WNK1: variants seen among roughly 807,000 people sequenced by gnomAD.
WNK1 encodes serine/threonine-protein kinase WNK1.
In WNK1, 38 loss-of-function variants were observed where a neutral mutation model predicts 222.8. The ratio of observed to expected loss-of-function variants is 0.17; its 90% confidence interval spans 0.13 to 0.22. The LOEUF is 0.22. WNK1 is among the 10% of genes least tolerant of loss of function. The pLI is 1.00. For missense variants in WNK1, 2,348 were observed against 2,918.4 expected, an observed-to-expected ratio of 0.80 and a Z score of 4.50; for synonymous variants, 1,090 against 1,092.9, an observed-to-expected ratio of 1.00 and a Z score of 0.05.
At chr12:894,838 C>T (rs556487828) in intron 23 of WNK1, among the ~76,000 whole-genome samples, 6 of 152,234 alleles carry the variant, frequency 3.9e-5, no homozygotes, top group South Asian at 4.1e-4. Flanking sequence ...AGTAGAGACA[C>T]GGTAGATAGT....
At chr12:866,261 T>C (rs1442969087) in intron 8 of WNK1, among the ~76,000 whole-genome samples, 19 of 152,214 alleles carry the variant, frequency 1.2e-4, no homozygotes, top group Admixed American at 1.2e-3. Context: ...GAACAGTTGA[T>C]CTACTTTGCC....
At chr12:808,054 CA>C (rs1190663861) in intron 1 of WNK1, among the ~76,000 whole-genome samples, 3 of 152,120 alleles carry the variant, frequency 2.0e-5, no homozygotes, top group African/African-American at 7.2e-5. Context: ...TTCTCATTCA[CA>C]TTTATCTTTC....
At position 910,031 on chromosome 12, in the gene WNK1, C is replaced by G. The variant is rs983249882; in HGVS notation, c.*1239C>G. The stretch of plus-strand genomic sequence containing the variant: ...AGACAAAGACTAAAGAATGAGGAAA[C>G]AAACGTGATGCCTGGCCAGTGACTG... On this transcript the variant is annotated 3_prime_UTR_variant, in exon 28 of 28. Transcript: ENST00000315939. The G allele has an allele frequency of 8.6e-5, 13 of 151,944 alleles. No homozygotes were observed. Among genetic ancestry groups the G allele is most frequent in the African/African-American group, 2.2e-4 (9 of 41,354 alleles). The allele number at this position is 151,944 out of a possible 1,614,324, so 9.4% of individuals were successfully genotyped here.
At chr12:880,538 G>C (rs956059637) in intron 11 of WNK1, among the ~76,000 whole-genome samples, 183 bp from the exon 12 acceptor site, 4 of 151,988 alleles carry the variant, frequency 2.6e-5, no homozygotes, top group African/African-American at 9.7e-5. Flanking sequence ...TCTTCTGTTG[G>C]AACCAGTCTA....
At chr12:805,984 T>C (rs1000450842) in intron 1 of WNK1, among the ~76,000 whole-genome samples, 2 of 152,208 alleles carry the variant, frequency 1.3e-5, no homozygotes, top group Admixed American at 6.5e-5. Context: ...AAGAAAATGC[T>C]AACTTCTCCT....
intron 1 of WNK1, among the ~76,000 whole-genome samples, chr12:781,436 C>T (rs1355195499): frequency 6.6e-6 from 1 of 152,182 alleles, no homozygotes; most frequent in African/African-American, 2.4e-5. Context: ...TGAATTTTAG[C>T]TGCTGTCACT....
At chr12:756,366 G>T (rs1341294863) in intron 1 of WNK1, among the ~76,000 whole-genome samples, 1 of 152,128 alleles carries the variant, frequency 6.6e-6, no homozygotes, top group Non-Finnish European at 1.5e-5. Flanking sequence ...CTAATGTCAC[G>T]ATAAAAACTT....
At chr12:859,632 G>GGT (rs1555131614) in intron 6 of WNK1, among the ~76,000 whole-genome samples, 168 bp downstream of exon 6, 12 of 122,656 alleles carry the variant, frequency 9.8e-5, no homozygotes, top group African/African-American at 1.5e-4. Context: ...GTGTGTGTGT[G>GGT]TTTTTTTTTT....
chr12:754,012 G>T lies in WNK1; in HGVS notation c.447G>T (p.Ala149=), dbSNP rs753292846. 3.2e-6 allele frequency: 5 copies of T among 1,587,104 alleles called. No homozygotes were observed. The highest frequency in any genetic ancestry group is 4.3e-6 in the Non-Finnish European group (5 of 1,167,198). ...AAAAPGEQAV[A]GPAPSTVPSS... ...CCGCCCCTGGGGAACAGGCCGTCGCGGGCCCTGCCCCCTCGACTGTCCCCA... is the reference window on the plus strand; with the variant it reads ...CCGCCCCTGGGGAACAGGCCGTCGCTGGCCCTGCCCCCTCGACTGTCCCCA... Residue 149 remains alanine (A), a synonymous_variant, in exon 1 of 28, where the codon GCG becomes GCT. Coordinates refer to ENST00000315939, the MANE Select transcript of WNK1 (RefSeq NM_018979.4).
chr12:879,733 C>T lies in WNK1; in HGVS notation c.2534C>T (p.Pro845Leu). Residue 845 changes from proline to leucine, a missense_variant, in exon 11 of 28, where the codon CCC (proline) becomes CTC (leucine). Physicochemically the swap from Pro to Leu is moderately conservative, Grantham distance 98. Coordinates refer to ENST00000315939, the MANE Select transcript of WNK1 (RefSeq NM_018979.4). ...CCTCAGTACCCTGTCTCTCAGATTC[C>T]CATATCAACTCCTCATGTGTCTACG... ...LLPQYPVSQIPISTPHVSTAQ... is the reference protein window; with the variant it reads ...LLPQYPVSQILISTPHVSTAQ... The T allele has an allele frequency of 1.2e-6, 2 of 1,613,974 alleles. No individual in the cohort carries two copies. Among genetic ancestry groups the T allele is most frequent in the Non-Finnish European group, 8.5e-7 (1 of 1,179,994 alleles).
chr12:883,169 A>G, intron 15 of WNK1, 110 bp downstream of exon 15: 1 of 1,009,588 alleles, frequency 9.9e-7, no homozygotes, highest in Non-Finnish European at 1.6e-6. Context: ...AAAGTTATGC[A>G]TTTACTTCAA....
At chr12:883,621 G>A (rs1187783823) in intron 16 of WNK1, 53 bp downstream of exon 16, 9 of 1,611,866 alleles carry the variant, frequency 5.6e-6, no homozygotes, top group Non-Finnish European at 5.9e-6. Flanking sequence ...TATTTTCATA[G>A]TTCTAAATTT....
Position 753,404 on chromosome 12 carries a change from G to A in WNK1, c.-162G>A. On this transcript the variant is annotated 5_prime_UTR_variant, in exon 1 of 28. Transcript: ENST00000315939. This position sits in a 1 kb window ranked among gnomAD's most constrained non-coding sequence, Gnocchi z 5.2. ...CGCAGCTGGGCCCAGCGGTCCGCCT[G>A]TCCCTCGTTGCGGCTTGTCGGTGCT... The A allele has an allele frequency of 2.2e-6, 2 of 910,358 alleles. No individual in the cohort carries two copies. Among genetic ancestry groups the A allele is most frequent in the Non-Finnish European group, 3.3e-6 (2 of 609,210 alleles). 56.4% of individuals were successfully genotyped at this position (910,358 alleles called of 1,614,324 possible).
rs5795948 is a variant in WNK1 at position 766,487 on chromosome 12, CT to C, written c.759+12174del. 3.4e-4 allele frequency among the ~76,000 whole-genome samples: 51 copies of C among 147,988 alleles called. No individual in the cohort carries two copies. In the East Asian group the frequency reaches 5.0e-3, roughly 14 times the overall value. On this transcript the variant is annotated intron_variant, in intron 1 of 27. Coordinates refer to ENST00000315939, the MANE Select transcript of WNK1 (RefSeq NM_018979.4). Reference sequence around the variant, plus strand: ...AATTACTGCTTTAGCTTTGATTATTCTTTTTTTTTTTGAGACAGTCTCGCTC... The same window carrying C: ...AATTACTGCTTTAGCTTTGATTATTCTTTTTTTTTTGAGACAGTCTCGCTC...
Position 761,252 on chromosome 12 carries a change from T to C in WNK1, c.759+6928T>C, listed in dbSNP as rs1940985643. ...GTTTCATAAATAATTTACTTTTTAG[T>C]GTTGTGACTTGAATCTTGGCTTTGC... On this transcript the variant is annotated intron_variant, in intron 1 of 27. Transcript: ENST00000315939. Among the ~76,000 whole-genome samples the C allele has an allele frequency of 1.3e-5, 2 of 148,152 alleles. 1 individual carries two copies. Among genetic ancestry groups the C allele is most frequent in the Non-Finnish European group, 3.0e-5 (2 of 66,324 alleles).
At chr12:773,175 T>C (rs902716646) in intron 1 of WNK1, among the ~76,000 whole-genome samples, 2 of 152,182 alleles carry the variant, frequency 1.3e-5, no homozygotes, top group Admixed American at 6.5e-5. Context: ...GGAGAATCGC[T>C]TGAACCCGGG....
chr12:897,581 A>G lies in WNK1; in HGVS notation c.6348A>G (p.Pro2116=). 1.9e-6 allele frequency: 3 copies of G among 1,614,172 alleles called. No homozygotes were observed. Among genetic ancestry groups the G allele is most frequent in the Non-Finnish European group, 2.5e-6 (3 of 1,179,982 alleles). Residue 2116 remains proline (P), a synonymous_variant, in exon 25 of 28, where the codon CCA becomes CCG. Transcript: ENST00000315939. ...TGCCCCCTGCTGTTATTATTCCCCCAGCTGCTCCCCTTTCAGGGAGAAGAC... is the reference window on the plus strand; with the variant it reads ...TGCCCCCTGCTGTTATTATTCCCCCGGCTGCTCCCCTTTCAGGGAGAAGAC... ...GKVPPAVIIP[P]AAPLSGRRRR...
intron 26 of WNK1, among the ~76,000 whole-genome samples, chr12:904,244 A>G (rs948635287): frequency 6.6e-6 from 1 of 152,230 alleles, no homozygotes; most frequent in Non-Finnish European, 1.5e-5. Flanking sequence ...CAGCCACGTA[A>G]CACAGCCCAT....
At chr12:826,657 T>G (rs1480556743) in intron 2 of WNK1, among the ~76,000 whole-genome samples, 1 of 152,220 alleles carries the variant, frequency 6.6e-6, no homozygotes, top group Non-Finnish European at 1.5e-5. Flanking sequence ...AATGGTGACC[T>G]AATGTTAAGG....
Sources: gnomAD v4.1 joint callset for allele counts (sites outside exome capture counted in the v4.1 genomes callset) on GRCh38, gnomAD v4.1.1 for gene constraint, Gnocchi (gnomAD v3.1) non-coding constraint, MANE v1.5 for transcripts, NCBI Gene and HGNC (gene_info 2026-07-23, HGNC 2026-07-21) for gene names.